SPATA31D1: variants seen among roughly 807,000 people sequenced by gnomAD.
SPATA31D1 encodes SPATA31 subfamily D member 1, also known as spermatogenesis-associated protein 31D1.
SPATA31D1 carries 6 observed loss-of-function variants against 13.2 expected under a neutral mutation model. That is an observed-to-expected ratio of 0.46 (90% CI 0.25 to 0.90). The LOEUF (loss-of-function observed/expected upper bound fraction) is 0.90. Among genes scored for constraint, SPATA31D1 ranks in the 40% least tolerant of loss-of-function variants. The pLI, the probability that SPATA31D1 is intolerant of heterozygous loss-of-function variation, is 0.18. For missense variants in SPATA31D1, 2,445 were observed against 1,884.7 expected, an observed-to-expected ratio of 1.30 and a Z score of -5.50; for synonymous variants, 903 against 718.8, an observed-to-expected ratio of 1.26 and a Z score of -4.10.
intron 1 of SPATA31D1, 126 bp downstream of exon 1, chr9:81,989,130 A>T: frequency 7.2e-7 from 1 of 1,394,474 alleles, no homozygotes; most frequent in East Asian, 2.5e-5. Context: ...TGAAGAGAGG[A>T]TAGAACTTCA....
chr9:81,990,456 A>G lies in SPATA31D1; in HGVS notation c.272A>G (p.Glu91Gly). The change falls in exon 3 of 4, where the codon GAG becomes GGG. Residue 91 changes from glutamate (E) to glycine (G), a missense_variant. By Grantham distance (98) the Glu-to-Gly change is moderately conservative. Coordinates refer to ENST00000344803, the MANE Select transcript of SPATA31D1 (RefSeq NM_001001670.3). ...AAAAGTTTCCAGAGAGAAGAGGAAG[A>G]GGAAAGGAAGCTGCTTTCTCTTCTG... ...DWKSFQREEE[E>G]ERKLLSLLKS... 1.9e-6 allele frequency: 3 copies of G among 1,608,888 alleles called. No homozygotes were observed. Among genetic ancestry groups the G allele is most frequent in the Non-Finnish European group, 2.5e-6 (3 of 1,177,448 alleles).
In SPATA31D1 at chr9:81,993,777, A is replaced by T; in HGVS notation, c.3307A>T (p.Lys1103Ter). 1 of 1,614,058 alleles carries T rather than the reference A, an allele frequency of 6.2e-7. No individual in the cohort carries two copies. The highest frequency in any genetic ancestry group is 8.5e-7 in the Non-Finnish European group (1 of 1,179,896). The change falls in exon 4 of 4, where the codon AAA (lysine) becomes TAA (stop). Residue 1103 changes from lysine (K) to a stop codon, truncating the protein, a stop_gained. Transcript: ENST00000344803. LOFTEE classifies it low-confidence loss of function (END_TRUNC). ...CAGCATCGTAGACGAAGTCAGTCAG[A>T]AACAGACTGTACTGGCCAGTAGATG... is the stretch of plus-strand genomic sequence containing the variant. ...PHSIVDEVSQ[K>*]QTVLASRCSA...
chr9:81,995,194 C>T lies in SPATA31D1; in HGVS notation c.4724C>T (p.Thr1575Ile), dbSNP rs1244970946. The T allele has an allele frequency of 1.3e-6, 2 of 1,516,896 alleles. No individual in the cohort carries two copies. Among genetic ancestry groups the T allele is most frequent in the South Asian group, 2.5e-5 (2 of 80,504 alleles). 94.0% of individuals were successfully genotyped at this position (1,516,896 alleles called of 1,614,324 possible). ...TTACAGGGAGGAAAATTTCCCCCCA[C>T]AAAATAATTCACTCCTTGTTGAGAA... ...KHLQGGKFPP[T>I]K Residue 1575 changes from threonine to isoleucine, a missense_variant, in exon 4 of 4, where the codon ACA becomes ATA. Thr to Ile is a moderately conservative substitution (Grantham distance 89, BLOSUM62 -1). Coordinates refer to ENST00000344803, the MANE Select transcript of SPATA31D1 (RefSeq NM_001001670.3).
chr9:81,993,247 T>A lies in SPATA31D1; in HGVS notation c.2777T>A (p.Ile926Lys). The A allele has an allele frequency of 6.2e-7, 1 of 1,613,988 alleles. No individual in the cohort carries two copies. Among genetic ancestry groups the A allele is most frequent in the Non-Finnish European group, 8.5e-7 (1 of 1,179,874 alleles). Residue 926 changes from isoleucine to lysine, a missense_variant, in exon 4 of 4, where the codon ATA becomes AAA. By Grantham distance (102) the Ile-to-Lys change is moderately radical. Transcript: ENST00000344803. Reference protein sequence around the residue: ...WGLPLKVLESIEIFKSKADLS... With the variant: ...WGLPLKVLESKEIFKSKADLS... ...CTTCCCCTCAAGGTCCTTGAATCCA[T>A]AGAAATCTTCAAATCGAAAGCGGAC...
At chr9:81,989,200 G>A (rs1230078260) in intron 1 of SPATA31D1, among the ~76,000 whole-genome samples, 196 bp downstream of exon 1, 1 of 152,196 alleles carries the variant, frequency 6.6e-6, no homozygotes, top group Non-Finnish European at 1.5e-5. Flanking sequence ...GTTTCCATCT[G>A]AAGCTCATAG....
chr9:81,991,895 C>G lies in SPATA31D1; in HGVS notation c.1425C>G (p.Gly475=). ...AESFPFWASK[G]KLEWQHIHQQ... Reference sequence around the variant, plus strand: ...CCTTTCCTTTTTGGGCCAGTAAAGGCAAACTAGAATGGCAGCACATCCATC... The same window carrying G: ...CCTTTCCTTTTTGGGCCAGTAAAGGGAAACTAGAATGGCAGCACATCCATC... Residue 475 remains glycine, a synonymous_variant, in exon 4 of 4, where the codon GGC becomes GGG. Transcript: ENST00000344803. The G allele has an allele frequency of 6.2e-7, 1 of 1,613,726 alleles. No homozygotes were observed.
Position 81,992,808 on chromosome 9 carries a change from G to T in SPATA31D1, c.2338G>T (p.Val780Phe). The T allele has an allele frequency of 6.2e-7, 1 of 1,613,844 alleles. No individual in the cohort carries two copies. Among genetic ancestry groups the T allele is most frequent in the South Asian group, 1.1e-5 (1 of 91,084 alleles). The change falls in exon 4 of 4, where the codon GTC (valine) becomes TTC (phenylalanine). Residue 780 changes from valine to phenylalanine, a missense_variant. Physicochemically the swap from Val to Phe is conservative, Grantham distance 50. Transcript: ENST00000344803. ...TTATCAGGGATACAGCCAGGAGACT[G>T]TCCCAAAAGATCACCTGTTGCATGG... ...GNYQGYSQET[V>F]PKDHLLHGPE...
chr9:81,987,559 TAG>T (rs201428206), upstream of SPATA31D1, among the ~76,000 whole-genome samples: 1,012 of 152,318 alleles, frequency 6.6e-3, 12 homozygotes, highest in African/African-American at 0.023. Context: ...TGTGTTTGTG[TAG>T]AGAGTATGTT....
At chr9:81,989,148 A>G (rs1054593733) in intron 1 of SPATA31D1, 144 bp downstream of exon 1, 36 of 1,326,682 alleles carry the variant, frequency 2.7e-5, no homozygotes, top group Middle Eastern at 2.7e-4. Context: ...TCACTCTTCT[A>G]TGGAAGAGGT....
chr9:81,994,780 G>C lies in SPATA31D1; in HGVS notation c.4310G>C (p.Gly1437Ala). The change falls in exon 4 of 4, where the codon GGG becomes GCG. Residue 1437 changes from glycine (G) to alanine (A), a missense_variant. Coordinates refer to ENST00000344803, the MANE Select transcript of SPATA31D1 (RefSeq NM_001001670.3). Reference sequence around the variant, plus strand: ...CAAGAGCCCCTTTCCTTCCCAGTGGGGCTTGGGAAAGCTCAGCACAACCCA... The same window carrying C: ...CAAGAGCCCCTTTCCTTCCCAGTGGCGCTTGGGAAAGCTCAGCACAACCCA... Reference protein sequence around the residue: ...CPQEPLSFPVGLGKAQHNPEV... With the variant: ...CPQEPLSFPVALGKAQHNPEV... The C allele has an allele frequency of 6.2e-7, 1 of 1,613,912 alleles. No homozygotes were observed. Among genetic ancestry groups the C allele is most frequent in the Non-Finnish European group, 8.5e-7 (1 of 1,179,874 alleles).
In SPATA31D1 at chr9:81,993,572, C is replaced by G; in HGVS notation, c.3102C>G (p.Ser1034Arg). Residue 1034 changes from serine to arginine, a missense_variant, in exon 4 of 4, where the codon AGC (serine) becomes AGG (arginine). Transcript: ENST00000344803. ...GAAGAGGTACTACAGATTTTCAAAG[C>G]GAAAAATTAGATTCAACAAGCTCAT... The part of the protein sequence containing the change: ...SLRRGTTDFQ[S>R]EKLDSTSSFP... 6.2e-7 allele frequency: 1 copy of G among 1,613,324 alleles called. No individual in the cohort carries two copies. Among genetic ancestry groups the G allele is most frequent in the South Asian group, 1.1e-5 (1 of 91,050 alleles).
Position 81,993,099 on chromosome 9 carries a change from G to A in SPATA31D1, c.2629G>A (p.Val877Ile). 2 of 1,613,838 alleles carry A rather than the reference G, an allele frequency of 1.2e-6. No individual in the cohort carries two copies. The highest frequency in any genetic ancestry group is 2.2e-5 in the East Asian group (1 of 44,858). ...CAGCCAAATTAAACATCGAAATCTG[G>A]TAACATTGGTGAGTGAGGACCACTG... ...SHSQIKHRNL[V>I]TLVSEDHCVD... Residue 877 changes from valine (V) to isoleucine (I), a missense_variant, in exon 4 of 4, where the codon GTA becomes ATA. Coordinates refer to ENST00000344803, the MANE Select transcript of SPATA31D1 (RefSeq NM_001001670.3).
chr9:81,988,997 T>C lies in SPATA31D1; in HGVS notation c.179T>C (p.Ile60Thr), dbSNP rs762364681. 38 of 1,611,502 alleles carry C rather than the reference T, an allele frequency of 2.4e-5. No homozygotes were observed. Among genetic ancestry groups the C allele is most frequent in the African/African-American group, 9.4e-5 (7 of 74,798 alleles). Residue 60 changes from isoleucine (I) to threonine (T), a missense_variant, in exon 1 of 4, where the codon ATC (isoleucine) becomes ACC (threonine). By Grantham distance (89) the Ile-to-Thr change is moderately conservative. Coordinates refer to ENST00000344803, the MANE Select transcript of SPATA31D1 (RefSeq NM_001001670.3). ...TCACCCACCGAAAAAAATAATGACA[T>C]CCAAAAGGTAAGGAACTGTGGGTGA... The part of the protein sequence containing the change: ...YSSPTEKNND[I>T]QKHQGRAKRR...
intron 3 of SPATA31D1, 74 bp from the exon 4 acceptor site, chr9:81,990,699 G>T: frequency 6.6e-7 from 1 of 1,522,296 alleles, no homozygotes; most frequent in Non-Finnish European, 8.9e-7. Context: ...AATGTGATAT[G>T]GGCAGCAGGC....
Position 81,991,526 on chromosome 9 carries a change from A to C in SPATA31D1, c.1056A>C (p.Ala352=). 6.2e-7 allele frequency: 1 copy of C among 1,614,014 alleles called. No individual in the cohort carries two copies. The highest frequency in any genetic ancestry group is 8.5e-7 in the Non-Finnish European group (1 of 1,179,890). ...AAGGCATTGACCATTCACACCTTGC[A>C]TCTTCAGAATTCACCTGGTGGCAGC... ...TIKGIDHSHL[A]SSEFTWWQPH... is the part of the protein sequence containing the mutation. The change falls in exon 4 of 4, where the codon GCA becomes GCC. Residue 352 remains alanine, a synonymous_variant. Coordinates refer to ENST00000344803, the MANE Select transcript of SPATA31D1 (RefSeq NM_001001670.3).
At chr9:81,989,914 TTAC>T in intron 2 of SPATA31D1, 91 bp downstream of exon 2, 2 of 1,434,580 alleles carry the variant, frequency 1.4e-6, no homozygotes, top group South Asian at 2.6e-5. Context: ...AGAATGTCAG[TTAC>T]TAGATGCAGT....
intron 1 of SPATA31D1, 121 bp downstream of exon 1, chr9:81,989,125 A>G: frequency 1.4e-6 from 2 of 1,420,196 alleles, no homozygotes; most frequent in Non-Finnish European, 1.9e-6. Context: ...AAGTCTGAAG[A>G]GAGGATAGAA....
rs779294131 is a variant in SPATA31D1 at position 81,990,943 on chromosome 9, C to G, written c.473C>G (p.Pro158Arg). The change falls in exon 4 of 4, where the codon CCT (proline) becomes CGT (arginine). Residue 158 changes from proline (P) to arginine (R), a missense_variant. Pro to Arg is a moderately radical substitution (Grantham distance 103, BLOSUM62 -2). Transcript: ENST00000344803. ...AAAGATGCTGCTCCCTCTGTGTCCCCTTTGGCTTCTTCGGCTTCTGCGACT... is the reference window on the plus strand; with the variant it reads ...AAAGATGCTGCTCCCTCTGTGTCCCGTTTGGCTTCTTCGGCTTCTGCGACT... ...SLKDAAPSVS[P>R]LASSASATES... 6.2e-7 allele frequency: 1 copy of G among 1,613,920 alleles called. No individual in the cohort carries two copies.
At chr9:81,990,622 A>G (rs1686734606) in intron 3 of SPATA31D1, 136 bp downstream of exon 3, 3 of 1,322,164 alleles carry the variant, frequency 2.3e-6, no homozygotes, top group Non-Finnish European at 3.1e-6. Context: ...ATGTGAATGA[A>G]TGTGTTGGGG....
Sources: gnomAD v4.1 joint callset for allele counts (sites outside exome capture counted in the v4.1 genomes callset) on GRCh38, gnomAD v4.1.1 for gene constraint, MANE v1.5 for transcripts, NCBI Gene and HGNC (gene_info 2026-07-23, HGNC 2026-07-21) for gene names.